The following RIT2 variants were observed in gnomAD, a reference collection of about 807,000 sequenced individuals.
The protein encoded by RIT2 is Ras like without CAAX 2.
A neutral mutation model predicts 23.7 loss-of-function variants in RIT2; 24 were observed. The ratio of observed to expected loss-of-function variants is 1.01; its 90% CI spans 0.73 to 1.43. RIT2 has a LOEUF of 1.43. RIT2 is among the 40% of genes most tolerant of loss of function. The pLI, the probability that RIT2 is intolerant of heterozygous loss-of-function variation, is 0.00. For missense variants in RIT2, 236 were observed against 266.9 expected (o/e 0.88, Z 0.81); for synonymous variants, 107 against 91.1 (o/e 1.17, Z -0.99).
intron 4 of RIT2, among the ~76,000 whole-genome samples, chr18:42,870,732 A>G (rs567174755): frequency 2.6e-5 from 4 of 152,292 alleles, no homozygotes; most frequent in East Asian, 3.9e-4. Flanking sequence ...AAGGTTTCCT[A>G]TAAAGTTGGG....
At chr18:42,971,195 T>G (rs1910354102) in intron 3 of RIT2, among the ~76,000 whole-genome samples, 1 of 152,008 alleles carries the variant, frequency 6.6e-6, no homozygotes, top group African/African-American at 2.4e-5. Context: ...TAAAAGAATT[T>G]CAATGGTGTT....
intron 3 of RIT2, among the ~76,000 whole-genome samples, chr18:42,970,245 G>A (rs1910330123): frequency 6.6e-6 from 1 of 151,324 alleles, no homozygotes; most frequent in Non-Finnish European, 1.5e-5. Context: ...TCAGCTCATT[G>A]TAAGAAAAAC....
At chr18:42,758,546 T>C (rs1832094354) in intron 4 of RIT2, among the ~76,000 whole-genome samples, 1 of 151,842 alleles carries the variant, frequency 6.6e-6, no homozygotes, top group African/African-American at 2.4e-5. Context: ...GGAGTTTTTC[T>C]CTCATCACCC....
intron 2 of RIT2, among the ~76,000 whole-genome samples, chr18:43,001,424 C>G (rs1911105232): frequency 6.6e-6 from 1 of 151,798 alleles, no homozygotes; most frequent in Admixed American, 6.6e-5. Context: ...GCAAGATGTT[C>G]ATATATAGGC....
intron 4 of RIT2, among the ~76,000 whole-genome samples, chr18:42,774,637 A>G (rs1294535055): frequency 6.7e-6 from 1 of 149,600 alleles, no homozygotes; most frequent in African/African-American, 2.4e-5. Flanking sequence ...TTTTTTTTTA[A>G]CTAAACCAAA....
At chr18:43,016,237 A>C (rs73477498) in intron 2 of RIT2, among the ~76,000 whole-genome samples, 3,412 of 151,982 alleles carry the variant, frequency 0.022, 137 homozygotes, top group African/African-American at 0.079. Context: ...CATGACTGAC[A>C]AAAATAGAAA....
chr18:42,863,032 G>GT (rs397858419), intron 4 of RIT2, among the ~76,000 whole-genome samples: 10,421 of 143,488 alleles, frequency 0.073, 1,052 homozygotes, highest in African/African-American at 0.23. Flanking sequence ...CATGCCTCCT[G>GT]TTTTTTTTTT....
At chr18:43,044,798 T>C (rs1912208080) in intron 1 of RIT2, among the ~76,000 whole-genome samples, 1 of 152,126 alleles carries the variant, frequency 6.6e-6, no homozygotes, top group Non-Finnish European at 1.5e-5. Context: ...AATTCATCAT[T>C]TCCCTGAGTG....
chr18:43,084,755 T>C (rs1188311528), intron 1 of RIT2, among the ~76,000 whole-genome samples: 1 of 152,080 alleles, frequency 6.6e-6, no homozygotes, highest in African/African-American at 2.4e-5. Context: ...AGGGGAGGGA[T>C]AGCATTATGA....
At chr18:42,825,000 T>C (rs1282170260) in intron 4 of RIT2, among the ~76,000 whole-genome samples, 2 of 151,946 alleles carry the variant, frequency 1.3e-5, no homozygotes. Context: ...ACTCCATTAA[T>C]TGCAGGAATC....
chr18:42,795,811 G>A (rs1188338214), intron 4 of RIT2, among the ~76,000 whole-genome samples: 1 of 152,204 alleles, frequency 6.6e-6, no homozygotes, highest in South Asian at 2.1e-4. Flanking sequence ...CCTGTGTCTA[G>A]CTCAGGGTTT....
chr18:42,890,417 C>T (rs1172398691), intron 4 of RIT2, among the ~76,000 whole-genome samples: 2 of 149,334 alleles, frequency 1.3e-5, no homozygotes, highest in Admixed American at 6.7e-5. Flanking sequence ...ACAGCTTAAA[C>T]TCTATTTGGC....
intron 4 of RIT2, among the ~76,000 whole-genome samples, chr18:42,861,742 AT>A (rs1162262148): frequency 6.6e-6 from 1 of 152,234 alleles, no homozygotes; most frequent in Non-Finnish European, 1.5e-5. Context: ...GTTTCTAAAA[AT>A]AAATACATCC....
intron 4 of RIT2, among the ~76,000 whole-genome samples, chr18:42,857,100 G>T (rs1033377552): frequency 1.3e-5 from 2 of 149,796 alleles, no homozygotes; most frequent in Admixed American, 6.7e-5. Flanking sequence ...GATTACTGGC[G>T]TGAGCCAGCA....
chr18:43,074,180 A>G (rs373088045), intron 1 of RIT2, among the ~76,000 whole-genome samples: 10 of 152,362 alleles, frequency 6.6e-5, no homozygotes, highest in African/African-American at 2.2e-4. Context: ...ATTAGAAAGT[A>G]GAGATCAACT....
At chr18:42,780,292 T>C (rs894634958) in intron 4 of RIT2, among the ~76,000 whole-genome samples, 2 of 151,982 alleles carry the variant, frequency 1.3e-5, no homozygotes, top group Non-Finnish European at 1.5e-5. Context: ...ATTTCAAGAT[T>C]TCCTGATTGA....
chr18:43,108,687 C>A (rs910096061), intron 1 of RIT2, among the ~76,000 whole-genome samples: 6 of 152,106 alleles, frequency 3.9e-5, no homozygotes, highest in Middle Eastern at 3.2e-3. Context: ...AAGCCTTTCG[C>A]CTGAATTCTG....
At chr18:42,875,534 A>G (rs1568018720) in intron 4 of RIT2, among the ~76,000 whole-genome samples, 1 of 152,036 alleles carries the variant, frequency 6.6e-6, no homozygotes, top group Admixed American at 6.6e-5. Context: ...GTATGCAGGC[A>G]AAATCTTTAG....
intron 1 of RIT2, among the ~76,000 whole-genome samples, chr18:43,051,200 A>G (rs1912373757): frequency 6.6e-6 from 1 of 152,128 alleles, no homozygotes; most frequent in South Asian, 2.1e-4. Context: ...GAAAAAAATA[A>G]AACAAATCAA....
Sources: allele counts gnomAD v4.1 joint callset (sites outside exome capture counted in the v4.1 genomes callset), GRCh38; gene constraint gnomAD v4.1.1; transcripts MANE v1.5; gene names NCBI Gene and HGNC (gene_info 2026-07-23, HGNC 2026-07-21).